The following NIBAN1 variants were observed in gnomAD, a reference collection of about 807,000 sequenced individuals.
NIBAN1 encodes protein Niban 1.
A neutral mutation model predicts 75.1 loss-of-function variants in NIBAN1; 81 were observed. The ratio of observed to expected loss-of-function variants is 1.08; its 90% confidence interval spans 0.90 to 1.30. The LOEUF (loss-of-function observed/expected upper bound fraction) is 1.30, where lower values mean the gene tolerates loss of function less well. Ranked by LOEUF, NIBAN1 falls within the 50% of genes most tolerant of loss-of-function variation. The pLI, the probability that NIBAN1 is intolerant of heterozygous loss-of-function variation, is 0.00. For synonymous variants in NIBAN1, 436 were observed against 424.8 expected (o/e 1.03, Z -0.32); for missense variants, 1,133 against 1,128.1 (o/e 1.00, Z -0.06).
At chr1:184,823,082 C>T in intron 8 of NIBAN1, 85 bp downstream of exon 8, 1 of 1,481,960 alleles carries the variant, frequency 6.7e-7, no homozygotes, top group South Asian at 1.3e-5. Flanking sequence ...TAATTATCCT[C>T]TGAAACCATG....
chr1:184,806,590 A>G (rs976834342), intron 10 of NIBAN1, among the ~76,000 whole-genome samples: 1 of 152,064 alleles, frequency 6.6e-6, no homozygotes, highest in Admixed American at 6.6e-5. Context: ...GTATTACGAA[A>G]GAGACTTCTG....
chr1:184,803,564 T>G (rs1259441262), intron 12 of NIBAN1, 21 bp downstream of exon 12: 25 of 1,595,330 alleles, frequency 1.6e-5, no homozygotes, highest in Non-Finnish European at 2.1e-5. Context: ...GCAAGCTCTT[T>G]AGGGTAACTC....
chr1:184,950,525 T>C (rs1658334784), intron 1 of NIBAN1, among the ~76,000 whole-genome samples: 1 of 152,158 alleles, frequency 6.6e-6, no homozygotes, highest in Non-Finnish European at 1.5e-5. Context: ...GCCCATGAAA[T>C]GTACCCAAGA....
At chr1:184,884,536 C>T in intron 5 of NIBAN1, 97 bp downstream of exon 5, 3 of 1,508,974 alleles carry the variant, frequency 2.0e-6, no homozygotes, top group Admixed American at 3.8e-5. Context: ...ATCTGTGGCT[C>T]TTTCTAAGAA....
At chr1:184,869,607 A>G (rs72739622) in intron 5 of NIBAN1, among the ~76,000 whole-genome samples, 4 of 151,318 alleles carry the variant, frequency 2.6e-5, no homozygotes, top group Non-Finnish European at 5.9e-5. Flanking sequence ...CAGTGGCTCC[A>G]TCTCGGCTCA....
At chr1:184,897,367 AC>A (rs1656828310) in intron 2 of NIBAN1, among the ~76,000 whole-genome samples, 1 of 144,868 alleles carries the variant, frequency 6.9e-6, no homozygotes, top group African/African-American at 2.6e-5. Context: ...TAATTTTGAA[AC>A]CCCTTTTTTA....
intron 1 of NIBAN1, among the ~76,000 whole-genome samples, chr1:184,932,178 C>G (rs554807157): frequency 6.6e-5 from 10 of 152,188 alleles, no homozygotes; most frequent in African/African-American, 2.2e-4. Context: ...TTCCATGGAC[C>G]AGGGTTGGGG....
At chr1:184,824,826 T>C (rs1654802329) in intron 6 of NIBAN1, among the ~76,000 whole-genome samples, 1 of 152,202 alleles carries the variant, frequency 6.6e-6, no homozygotes, top group African/African-American at 2.4e-5. Context: ...TCTCCGAAGC[T>C]GGATTAATGT....
chr1:184,965,156 A>G (rs1381974970), intron 1 of NIBAN1, among the ~76,000 whole-genome samples: 2 of 152,004 alleles, frequency 1.3e-5, no homozygotes, highest in Non-Finnish European at 2.9e-5. Flanking sequence ...AAAATTAGCC[A>G]GGTGTGGTGG....
At chr1:184,917,495 C>T (rs373933677) in intron 1 of NIBAN1, among the ~76,000 whole-genome samples, 10 of 151,706 alleles carry the variant, frequency 6.6e-5, no homozygotes, top group African/African-American at 2.4e-4. Flanking sequence ...AGGCGTGAGC[C>T]ACCCTGCCCG....
chr1:184,805,748 C>A (rs1654178341), intron 11 of NIBAN1, among the ~76,000 whole-genome samples, 198 bp downstream of exon 11: 1 of 152,118 alleles, frequency 6.6e-6, no homozygotes, highest in Admixed American at 6.5e-5. Flanking sequence ...TGAGGACCAG[C>A]AGTGGCCGCT....
chr1:184,889,897 T>A (rs984947759), intron 4 of NIBAN1, among the ~76,000 whole-genome samples: 1 of 152,224 alleles, frequency 6.6e-6, no homozygotes, highest in Non-Finnish European at 1.5e-5. Flanking sequence ...TTAGGGTCTG[T>A]CCTGTGCATG....
In NIBAN1 at chr1:184,792,693, T is replaced by C. The variant is rs1653730399; in HGVS notation, c.*2284A>G. ...TTTCTGCCTGACAGCAGGCCCCAAA[T>C]AGCCCCAGCACAGCAGTGTTCTGGG... is the stretch of plus-strand genomic sequence containing the variant. On this transcript the variant is annotated 3_prime_UTR_variant, in exon 14 of 14. Coordinates refer to ENST00000367511, the MANE Select transcript of NIBAN1 (RefSeq NM_052966.4). 6.5e-6 allele frequency: 1 copy of C among 152,720 alleles called. No individual in the cohort carries two copies. The highest frequency in any genetic ancestry group is 1.5e-5 in the Non-Finnish European group (1 of 68,106). 9.5% of individuals were successfully genotyped at this position (152,720 alleles called of 1,614,324 possible). A position where few individuals can be genotyped will look rare whatever the true frequency, so the allele number is the denominator to read the frequency against.
chr1:184,830,886 G>A (rs1451691229), intron 6 of NIBAN1, among the ~76,000 whole-genome samples: 2 of 151,886 alleles, frequency 1.3e-5, no homozygotes, highest in African/African-American at 4.8e-5. Context: ...TGTAGTCCCA[G>A]CTACTCGGGA....
At chr1:184,872,550 A>G (rs999332876) in intron 5 of NIBAN1, among the ~76,000 whole-genome samples, 1 of 152,136 alleles carries the variant, frequency 6.6e-6, no homozygotes, top group African/African-American at 2.4e-5. Context: ...TACTAAAAAT[A>G]CAAAAAATTA....
rs539261632 is a variant in NIBAN1 at position 184,900,538 on chromosome 1, CA to C, written c.56-1230del. On this transcript the variant is annotated intron_variant, in intron 1 of 13. Transcript: ENST00000367511. ...TAGTCTCTCAGCACCGAAAGTAAAT[CA>C]AACTGAGTATGAACCATGTGGGGGA... 7.9e-5 allele frequency among the ~76,000 whole-genome samples: 12 copies of C among 152,318 alleles called. No individual in the cohort carries two copies. The East Asian group carries it at 2.3e-3, about 29-fold the overall frequency.
intron 2 of NIBAN1, among the ~76,000 whole-genome samples, chr1:184,898,872 C>G (rs1230638825): frequency 6.6e-6 from 1 of 152,154 alleles, no homozygotes. Flanking sequence ...AAGAGAAAAT[C>G]ATATTTGATC....
chr1:184,852,373 C>T lies in NIBAN1; in HGVS notation c.602-20411G>A, dbSNP rs142947594. The stretch of plus-strand genomic sequence containing the variant: ...GGGGACAACACAAGTGTGCCTGTGT[C>T]ATAGGTGATGTCATCTGTGCCACAC... On this transcript the variant is annotated intron_variant, in intron 5 of 13. Transcript: ENST00000367511. 1.9e-3 allele frequency among the ~76,000 whole-genome samples: 284 copies of T among 152,296 alleles called. 1 individual carries two copies. Among genetic ancestry groups the T allele is most frequent in the African/African-American group, 6.6e-3 (274 of 41,546 alleles).
At chr1:184,814,604 TA>T (rs1468315978) in intron 9 of NIBAN1, among the ~76,000 whole-genome samples, 1 of 152,244 alleles carries the variant, frequency 6.6e-6, no homozygotes, top group Non-Finnish European at 1.5e-5. Context: ...AAAATTTTTG[TA>T]TCATCATTTT....
Sources: allele counts gnomAD v4.1 joint callset (sites outside exome capture counted in the v4.1 genomes callset), GRCh38; gene constraint gnomAD v4.1.1; transcripts MANE v1.5; gene names NCBI Gene and HGNC (gene_info 2026-07-23, HGNC 2026-07-21).